The following WDR35 variants were observed in gnomAD, a reference collection of about 807,000 sequenced individuals.
WDR35 encodes WD repeat domain 35.
In WDR35, 118 loss-of-function variants were observed where a neutral mutation model predicts 158.3. The ratio of observed to expected loss-of-function variants is 0.75; its 90% CI spans 0.64 to 0.87. The LOEUF (loss-of-function observed/expected upper bound fraction) is 0.87, where lower values mean the gene tolerates loss of function less well. WDR35 is among the 40% of genes least tolerant of loss of function. WDR35 has a pLI of 0.00. For synonymous variants in WDR35, 448 were observed against 476.1 expected, an observed-to-expected ratio of 0.94 and a Z score of 0.77; for missense variants, 1,263 against 1,405.8, an observed-to-expected ratio of 0.90 and a Z score of 1.62.
intron 8 of WDR35, among the ~76,000 whole-genome samples, chr2:19,971,589 A>T (rs1267248004): frequency 6.6e-6 from 1 of 152,214 alleles, no homozygotes. Flanking sequence ...GCAGCACATA[A>T]TAGAGTAAGA....
intron 9 of WDR35, 134 bp downstream of exon 9, chr2:19,969,346 T>G: frequency 1.1e-6 from 1 of 922,188 alleles, no homozygotes; most frequent in Non-Finnish European, 1.6e-6. Flanking sequence ...AGTTTACTAG[T>G]TCTAAAATCT....
chr2:19,964,585 T>G (rs1489929592), intron 10 of WDR35, among the ~76,000 whole-genome samples: 1 of 151,908 alleles, frequency 6.6e-6, no homozygotes, highest in African/African-American at 2.4e-5. Flanking sequence ...GGTTTCACCG[T>G]GTTGCCCAGG....
Position 19,969,470 on chromosome 2 carries a change from T to C in WDR35, c.1008+10A>G. The C allele has an allele frequency of 6.2e-7, 1 of 1,608,110 alleles. No homozygotes were observed. On this transcript the variant is annotated intron_variant, in intron 9 of 26. Coordinates refer to ENST00000281405, the MANE Select transcript of WDR35 (RefSeq NM_020779.4). ...ACACTGTTTATTTTACAACTGCTCT[T>C]AATATTTACCTTATAATTAGGTCGA...
At chr2:19,967,889 T>TTTTA in intron 9 of WDR35, among the ~76,000 whole-genome samples, 1 of 152,196 alleles carries the variant, frequency 6.6e-6, no homozygotes, top group Non-Finnish European at 1.5e-5. Flanking sequence ...TACTATTAAG[T>TTTTA]AAACATCATA....
chr2:19,923,528 C>T (rs567614547), intron 25 of WDR35, among the ~76,000 whole-genome samples: 7 of 152,290 alleles, frequency 4.6e-5, no homozygotes, highest in African/African-American at 1.7e-4. Flanking sequence ...TATTTGCCAG[C>T]TAAAGCTAAA....
chr2:19,931,529 T>A, intron 23 of WDR35, 120 bp from the exon 24 acceptor site: 1 of 1,061,268 alleles, frequency 9.4e-7, no homozygotes, highest in Non-Finnish European at 1.4e-6. Flanking sequence ...TAAGATGGAA[T>A]ATAAATATCA....
chr2:19,974,090 C>A (rs555544059), intron 7 of WDR35, among the ~76,000 whole-genome samples: 173 of 149,522 alleles, frequency 1.2e-3, no homozygotes, highest in African/African-American at 3.9e-3. Context: ...AGAGCAAGAC[C>A]CTGTCGCAAA....
intron 13 of WDR35, 85 bp from the exon 14 acceptor site, chr2:19,948,302 G>A (rs1226331733): frequency 1.1e-5 from 14 of 1,254,330 alleles, no homozygotes; most frequent in Non-Finnish European, 1.6e-5. Context: ...AATTCACTAA[G>A]CAGTCAATAT....
chr2:19,951,655 T>C, intron 12 of WDR35, 171 bp from the exon 13 acceptor site: 2 of 543,352 alleles, frequency 3.7e-6, no homozygotes, highest in Non-Finnish European at 6.4e-6. Flanking sequence ...ATAAAAATTA[T>C]CTACCAGGTG....
intron 11 of WDR35, 139 bp from the exon 12 acceptor site, chr2:19,954,117 A>G: frequency 1.1e-6 from 1 of 907,514 alleles, no homozygotes; most frequent in African/African-American, 1.7e-5. Context: ...AAATACCCAT[A>G]CACAGTCTCT....
intron 25 of WDR35, among the ~76,000 whole-genome samples, chr2:19,917,188 T>C (rs1670016546): frequency 6.6e-6 from 1 of 152,124 alleles, no homozygotes; most frequent in Non-Finnish European, 1.5e-5. Flanking sequence ...CAGAAAGGAA[T>C]AGTATCAACA....
chr2:19,980,696 T>G lies in WDR35; in HGVS notation c.302A>C (p.Tyr101Ser). 1 of 1,612,622 alleles carries G rather than the reference T, an allele frequency of 6.2e-7. No individual in the cohort carries two copies. Among genetic ancestry groups the G allele is most frequent in the South Asian group, 1.1e-5 (1 of 91,044 alleles). The change falls in exon 4 of 27, where the codon TAT (tyrosine) becomes TCT (serine). Residue 101 changes from tyrosine to serine, a missense_variant. Tyr to Ser is a moderately radical substitution (Grantham distance 144). Coordinates refer to ENST00000281405, the MANE Select transcript of WDR35 (RefSeq NM_020779.4). The part of the protein sequence containing the change: ...ENGLIIVWML[Y>S]KGSWIEEMIN... ...TCTCTCCTAGTAAAGTATACCTTTA[T>G]ATAACATCCACACAATGATAAGCCC...
intron 25 of WDR35, among the ~76,000 whole-genome samples, chr2:19,928,873 C>A (rs1670441689): frequency 6.6e-6 from 1 of 151,302 alleles, no homozygotes; most frequent in Non-Finnish European, 1.5e-5. Context: ...GCGGTGCGAT[C>A]TCGGCTCACT....
At chr2:19,929,225 T>C (rs1670451729) in intron 25 of WDR35, among the ~76,000 whole-genome samples, 1 of 152,224 alleles carries the variant, frequency 6.6e-6, no homozygotes, top group South Asian at 2.1e-4. Context: ...GATTATTACA[T>C]ATGGTCTCTA....
At chr2:19,933,638 A>C in intron 21 of WDR35, 127 bp from the exon 22 acceptor site, 1 of 796,464 alleles carries the variant, frequency 1.3e-6, no homozygotes. Flanking sequence ...TTTCTTGTAA[A>C]CAGACGCAAG....
At chr2:19,955,258 T>C (rs1191877164) in intron 11 of WDR35, among the ~76,000 whole-genome samples, 1 of 152,218 alleles carries the variant, frequency 6.6e-6, no homozygotes. Context: ...CCACATCTTA[T>C]ATTTCTACTC....
intron 12 of WDR35, 37 bp from the exon 13 acceptor site, chr2:19,951,521 T>C (rs1218147603): frequency 6.0e-6 from 9 of 1,493,522 alleles, no homozygotes; most frequent in Non-Finnish European, 8.4e-6. Context: ...AAAGTTTAAG[T>C]ATAGTTTATA....
intron 9 of WDR35, 95 bp downstream of exon 9, chr2:19,969,385 C>T: frequency 7.4e-7 from 1 of 1,355,156 alleles, no homozygotes; most frequent in South Asian, 1.3e-5. Context: ...TTTCTGCTAG[C>T]TCCTAAAACA....
At position 19,935,542 on chromosome 2, in the gene WDR35, A is replaced by G. The variant is rs760589900; in HGVS notation, c.2476T>C (p.Tyr826His). The change falls in exon 21 of 27, where the codon TAT becomes CAT. Residue 826 changes from tyrosine (Y) to histidine (H), a missense_variant. By Grantham distance (83) the Tyr-to-His change is moderately conservative. Coordinates refer to ENST00000281405, the MANE Select transcript of WDR35 (RefSeq NM_020779.4). ...RNQERLAECYYMLEDYEGLEN... is the reference protein window; with the variant it reads ...RNQERLAECYHMLEDYEGLEN... Reference sequence around the variant, plus strand: ...AACCCTTCATAATCCTCTAACATATAGTAACATTCAGCTAAGCGTTCCTGG... The same window carrying G: ...AACCCTTCATAATCCTCTAACATATGGTAACATTCAGCTAAGCGTTCCTGG... The G allele has an allele frequency of 2.0e-5, 33 of 1,613,178 alleles. No individual in the cohort carries two copies. The South Asian group carries it at 2.4e-4, about 12-fold the overall frequency.
Sources: gnomAD v4.1 joint callset for allele counts (sites outside exome capture counted in the v4.1 genomes callset) on GRCh38, gnomAD v4.1.1 for gene constraint, MANE v1.5 for transcripts, NCBI Gene and HGNC (gene_info 2026-07-23, HGNC 2026-07-21) for gene names.